IGF2BP3: variants seen among roughly 807,000 people sequenced by gnomAD.
IGF2BP3 encodes insulin like growth factor 2 mRNA binding protein 3.
In IGF2BP3, 9 loss-of-function variants were observed where a neutral mutation model predicts 73.8. That is an observed-to-expected ratio of 0.12 (90% confidence interval 0.07 to 0.21). The LOEUF (loss-of-function observed/expected upper bound fraction) is 0.21. Among genes scored for constraint, IGF2BP3 ranks in the 10% least tolerant of loss-of-function variants. The pLI is 1.00. For synonymous variants in IGF2BP3, 258 were observed against 256.7 expected (o/e 1.01, Z -0.05); for missense variants, 542 against 714.0 (o/e 0.76, Z 2.75).
chr7:23,330,237 G>T (rs1275543786), intron 10 of IGF2BP3, among the ~76,000 whole-genome samples: 1 of 151,638 alleles, frequency 6.6e-6, no homozygotes, highest in Non-Finnish European at 1.5e-5. Flanking sequence ...AGTGAGCAGA[G>T]ATCACACCAT....
intron 2 of IGF2BP3, among the ~76,000 whole-genome samples, chr7:23,452,953 A>C (rs1788236344): frequency 6.6e-6 from 1 of 151,972 alleles, no homozygotes. Flanking sequence ...CTCTACTAAA[A>C]ATACAAAAAT....
chr7:23,462,361 TTTC>T, intron 2 of IGF2BP3, among the ~76,000 whole-genome samples: 1 of 139,956 alleles, frequency 7.1e-6, no homozygotes, highest in East Asian at 1.9e-4. Flanking sequence ...TCTAAGAATA[TTTC>T]TTTTTTTTTT....
At chr7:23,411,984 CTTTTTTTTTT>C (rs767524257) in intron 3 of IGF2BP3, among the ~76,000 whole-genome samples, 7 of 104,854 alleles carry the variant, frequency 6.7e-5, no homozygotes, top group Admixed American at 9.7e-5. Context: ...ACTTATTTCT[CTTTTTTTTTT>C]TTTTTTTTTT....
chr7:23,317,686 T>C lies in IGF2BP3; in HGVS notation c.1348A>G (p.Lys450Glu), dbSNP rs1164692358. The C allele has an allele frequency of 3.1e-6, 5 of 1,614,044 alleles. No homozygotes were observed. Among genetic ancestry groups the C allele is most frequent in the Non-Finnish European group, 4.2e-6 (5 of 1,179,978 alleles). Residue 450 changes from lysine to glutamate, a missense_variant, in exon 12 of 15, where the codon AAA becomes GAA. Lys to Glu is a moderately conservative substitution (Grantham distance 56, BLOSUM62 1). Transcript: ENST00000258729. The part of the protein sequence containing the change: ...KIAPAEAPDA[K>E]VRMVIITGPP... The stretch of plus-strand genomic sequence containing the variant: ...CCAGTGATAATCACCATCCTCACTT[T>C]AGCATCTGGTGCTTCCGCTGGAGCA...
intron 10 of IGF2BP3, among the ~76,000 whole-genome samples, chr7:23,328,097 T>G (rs771275575): frequency 2.6e-5 from 4 of 152,214 alleles, no homozygotes; most frequent in Non-Finnish European, 5.9e-5. Context: ...TCAATCCCAC[T>G]CAAAAGTAGT....
chr7:23,319,145 G>A lies in IGF2BP3; in HGVS notation c.1313C>T (p.Ser438Leu). 1.2e-6 allele frequency: 2 copies of A among 1,608,356 alleles called. No homozygotes were observed. The highest frequency in any genetic ancestry group is 1.7e-6 in the Non-Finnish European group (2 of 1,175,436). ...IKQLSRFAGASIKIAPAEAPD... is the reference protein window; with the variant it reads ...IKQLSRFAGALIKIAPAEAPD... ...CAGCTGGTAGAACAGTACCTTAATT[G>A]AAGCTCCAGCAAAGCGAGAAAGCTG... Residue 438 changes from serine (S) to leucine (L), a missense_variant, in exon 11 of 15, where the codon TCA becomes TTA. Physicochemically the swap from Ser to Leu is moderately radical, Grantham distance 145. Coordinates refer to ENST00000258729, the MANE Select transcript of IGF2BP3 (RefSeq NM_006547.3).
intron 10 of IGF2BP3, among the ~76,000 whole-genome samples, chr7:23,335,938 A>G (rs900813313): frequency 6.6e-6 from 1 of 152,244 alleles, no homozygotes; most frequent in Admixed American, 6.5e-5. Flanking sequence ...GCTGCTAGGC[A>G]GGAACTAGAG....
At chr7:23,431,638 GGA>G (rs1491547352) in intron 2 of IGF2BP3, among the ~76,000 whole-genome samples, 5 of 150,894 alleles carry the variant, frequency 3.3e-5, no homozygotes, top group African/African-American at 9.8e-5. Context: ...GAAGGAAGGG[GGA>G]AAAAAAAAAG....
intron 2 of IGF2BP3, among the ~76,000 whole-genome samples, chr7:23,461,702 G>T (rs62468785): frequency 6.6e-6 from 1 of 152,100 alleles, no homozygotes; most frequent in African/African-American, 2.4e-5. Context: ...TTACAACTGT[G>T]CTAAATGCAA....
At chr7:23,336,658 A>G (rs1421798563) in intron 10 of IGF2BP3, among the ~76,000 whole-genome samples, 2 of 151,986 alleles carry the variant, frequency 1.3e-5, no homozygotes, top group Admixed American at 6.6e-5. Context: ...TTTTCTTGCT[A>G]AAGAATAGGC....
At chr7:23,463,556 A>G (rs1788498055) in intron 2 of IGF2BP3, among the ~76,000 whole-genome samples, 1 of 152,234 alleles carries the variant, frequency 6.6e-6, no homozygotes, top group Non-Finnish European at 1.5e-5. Flanking sequence ...TCAGAACAAA[A>G]TACTATATAC....
At position 23,457,292 on chromosome 7, in the gene IGF2BP3, C is replaced by T. The variant is rs974449977; in HGVS notation, c.236+11190G>A. On this transcript the variant is annotated intron_variant, in intron 2 of 14. Coordinates refer to ENST00000258729, the MANE Select transcript of IGF2BP3 (RefSeq NM_006547.3). ...CAGCCTGGCCAACATGGCAAAACTC[C>T]GTCTCTACCAAAAAATACAAAAATT... Among the ~76,000 whole-genome samples the T allele has an allele frequency of 1.2e-4, 18 of 151,874 alleles. 1 individual carries two copies. The highest frequency in any genetic ancestry group is 3.4e-4 in the African/African-American group (14 of 41,336).
intron 13 of IGF2BP3, among the ~76,000 whole-genome samples, 199 bp from the exon 14 acceptor site, chr7:23,313,047 T>C (rs952675029): frequency 4.6e-5 from 7 of 152,240 alleles, no homozygotes; most frequent in African/African-American, 7.2e-5. Flanking sequence ...TGTCCAGTTA[T>C]ACAAGTGAAT....
At chr7:23,394,321 G>T (rs1786379675) in intron 3 of IGF2BP3, among the ~76,000 whole-genome samples, 1 of 152,100 alleles carries the variant, frequency 6.6e-6, no homozygotes, top group African/African-American at 2.4e-5. Flanking sequence ...ACAAAATTTA[G>T]CCAGGTGTGG....
At chr7:23,379,509 T>G (rs992107435) in intron 3 of IGF2BP3, among the ~76,000 whole-genome samples, 3 of 152,180 alleles carry the variant, frequency 2.0e-5, no homozygotes, top group Non-Finnish European at 2.9e-5. Context: ...GCAGGCATTC[T>G]CAAGTAATTT....
intron 2 of IGF2BP3, among the ~76,000 whole-genome samples, chr7:23,459,230 T>C (rs1005219936): frequency 6.6e-6 from 1 of 152,200 alleles, no homozygotes; most frequent in African/African-American, 2.4e-5. Context: ...CACCCAGTTT[T>C]TGATTAATAG....
rs1030332560 is a variant in IGF2BP3, at chr7:23,468,525, C to T, written c.193G>A (p.Gly65Arg). 1.2e-6 allele frequency: 2 copies of T among 1,614,226 alleles called. No homozygotes were observed. The highest frequency in any genetic ancestry group is 1.7e-6 in the Non-Finnish European group (2 of 1,180,032). Residue 65 changes from glycine (G) to arginine (R), a missense_variant, in exon 2 of 15, where the codon GGG becomes AGG. By Grantham distance (125) the Gly-to-Arg change is moderately radical. Coordinates refer to ENST00000258729, the MANE Select transcript of IGF2BP3 (RefSeq NM_006547.3). ...EALSGKIELH[G>R]KPIEVEHSVP... ...GAGTGCTCAACTTCTATGGGTTTCC[C>T]GTGCAGTTCTATTTTACCTGCGGAC...
intron 2 of IGF2BP3, among the ~76,000 whole-genome samples, chr7:23,463,638 G>C (rs903370613): frequency 2.6e-5 from 4 of 152,178 alleles, no homozygotes; most frequent in African/African-American, 9.7e-5. Flanking sequence ...CAAAAGGAAA[G>C]CCAGAAACAG....
chr7:23,346,077 G>A lies in IGF2BP3; in HGVS notation c.819-15C>T. ...TCTCTTCTGTGCTGTAAATAGAAAA[G>A]TGGCCATAAAATTAGAATAAGTAAA... On this transcript the variant is annotated splice_polypyrimidine_tract_variant and intron_variant, in intron 7 of 14. Coordinates refer to ENST00000258729, the MANE Select transcript of IGF2BP3 (RefSeq NM_006547.3). 1 of 1,597,176 alleles carries A rather than the reference G, an allele frequency of 6.3e-7. No individual in the cohort carries two copies. The highest frequency in any genetic ancestry group is 8.5e-7 in the Non-Finnish European group (1 of 1,175,544).
Sources: gnomAD v4.1 joint callset for allele counts (sites outside exome capture counted in the v4.1 genomes callset) on GRCh38, gnomAD v4.1.1 for gene constraint, MANE v1.5 for transcripts, NCBI Gene and HGNC (gene_info 2026-07-23, HGNC 2026-07-21) for gene names.